Variants in GRXCR2 observed in about 807,000 individuals in gnomAD.
GRXCR2 encodes glutaredoxin and cysteine rich domain containing 2.
GRXCR2 carries 23 observed loss-of-function variants against 24.8 expected under a neutral mutation model. The observed-to-expected ratio is 0.93, with a 90% CI of 0.67 to 1.32. The LOEUF is 1.32. GRXCR2 is among the 40% of genes most tolerant of loss of function. The probability of loss-of-function intolerance (pLI) is 0.00; values close to 1 mark genes in which losing one functional copy is unlikely to be tolerated. For synonymous variants in GRXCR2, 130 were observed against 116.1 expected (o/e 1.12, Z -0.77); for missense variants, 315 against 303.4 (o/e 1.04, Z -0.28).
intron 2 of GRXCR2, among the ~76,000 whole-genome samples, chr5:145,890,820 G>A (rs903286383): frequency 8.0e-5 from 12 of 150,772 alleles, no homozygotes; most frequent in Non-Finnish European, 1.5e-4. Context: ...AAAAGTCACA[G>A]AAGGGCAAGT....
intron 2 of GRXCR2, among the ~76,000 whole-genome samples, chr5:145,878,608 G>C (rs1756654181): frequency 1.3e-5 from 2 of 152,114 alleles, no homozygotes; most frequent in African/African-American, 2.4e-5. Context: ...ATAGAACCAA[G>C]TTGGAAAACA....
At chr5:145,876,999 GT>G (rs149371290), upstream of GRXCR2, among the ~76,000 whole-genome samples, 18 of 149,934 alleles carry the variant, frequency 1.2e-4, no homozygotes, top group Non-Finnish European at 2.2e-4. Context: ...GATTTTGAGT[GT>G]TTTTTTTTCT....
At chr5:145,888,014 A>T (rs1167923718) in intron 2 of GRXCR2, among the ~76,000 whole-genome samples, 1 of 152,176 alleles carries the variant, frequency 6.6e-6, no homozygotes, top group Non-Finnish European at 1.5e-5. Flanking sequence ...GGTTTTTTAA[A>T]GTTATATTTG....
chr5:145,930,922 C>CAG (rs1757468804), intron 2 of GRXCR2, among the ~76,000 whole-genome samples: 1 of 152,210 alleles, frequency 6.6e-6, no homozygotes, highest in Non-Finnish European at 1.5e-5. Context: ...ATCCAAGGAA[C>CAG]AGAGGAAGAG....
At chr5:145,927,205 T>C (rs1319174022) in intron 2 of GRXCR2, among the ~76,000 whole-genome samples, 2 of 152,144 alleles carry the variant, frequency 1.3e-5, no homozygotes, top group East Asian at 1.9e-4. Flanking sequence ...CTTTTCCTAA[T>C]TGAATACCCT....
intron 2 of GRXCR2, among the ~76,000 whole-genome samples, chr5:145,901,001 G>A (rs758704043): frequency 1.3e-5 from 2 of 152,132 alleles, no homozygotes; most frequent in African/African-American, 4.8e-5. Flanking sequence ...CAATATGGAT[G>A]CAGCTGGTGG....
chr5:145,924,992 T>G (rs1024099116), intron 2 of GRXCR2, among the ~76,000 whole-genome samples: 4 of 152,148 alleles, frequency 2.6e-5, no homozygotes, highest in African/African-American at 7.2e-5. Context: ...TGCAACACAA[T>G]AGATAAGAGG....
chr5:145,924,984 C>A (rs958005563), intron 2 of GRXCR2, among the ~76,000 whole-genome samples: 1 of 152,144 alleles, frequency 6.6e-6, no homozygotes, highest in Admixed American at 6.6e-5. Flanking sequence ...GCTTTAGATG[C>A]AACACAATAG....
intron 2 of GRXCR2, among the ~76,000 whole-genome samples, chr5:145,918,218 GAACTTTAC>G (rs1561691130): frequency 6.6e-6 from 1 of 152,176 alleles, no homozygotes; most frequent in African/African-American, 2.4e-5. Flanking sequence ...TCCTTTAACA[GAACTTTAC>G]AACTTACAAA....
intron 2 of GRXCR2, among the ~76,000 whole-genome samples, chr5:145,914,384 T>C (rs1477196792): frequency 6.9e-6 from 1 of 145,450 alleles, no homozygotes. Flanking sequence ...TTAAAAAAAA[T>C]AACAAATCTG....
At chr5:145,928,517 T>G (rs1013817055) in intron 2 of GRXCR2, among the ~76,000 whole-genome samples, 1 of 152,050 alleles carries the variant, frequency 6.6e-6, no homozygotes, top group African/African-American at 2.4e-5. Context: ...TGTCCAAAAA[T>G]GATAGACTGG....
At chr5:145,887,639 C>T (rs1199196597) in intron 2 of GRXCR2, among the ~76,000 whole-genome samples, 2 of 152,172 alleles carry the variant, frequency 1.3e-5, no homozygotes, top group Admixed American at 1.3e-4. Context: ...GTGCCTAGAA[C>T]ATAGCTGTTT....
chr5:145,881,064 G>A (rs1230569751), intron 2 of GRXCR2, among the ~76,000 whole-genome samples: 5 of 152,156 alleles, frequency 3.3e-5, no homozygotes. Flanking sequence ...CAAACCCACA[G>A]CCAATATCAT....
upstream of GRXCR2, among the ~76,000 whole-genome samples, chr5:145,875,177 G>A (rs1756593622): frequency 6.6e-6 from 1 of 152,212 alleles, no homozygotes; most frequent in Non-Finnish European, 1.5e-5. Flanking sequence ...CTCAGTAATT[G>A]TTAAATGAAT....
At chr5:145,880,012 C>A (rs553303444) in intron 2 of GRXCR2, among the ~76,000 whole-genome samples, 69 of 152,296 alleles carry the variant, frequency 4.5e-4, no homozygotes, top group Middle Eastern at 6.8e-3. Flanking sequence ...AAAGACACAA[C>A]GTACCAGAAT....
At chr5:145,923,311 A>G (rs1757351686) in intron 2 of GRXCR2, among the ~76,000 whole-genome samples, 1 of 152,194 alleles carries the variant, frequency 6.6e-6, no homozygotes, top group Admixed American at 6.5e-5. Flanking sequence ...CCTTGCTAAG[A>G]GTATTTTAGG....
chr5:145,905,571 T>G (rs13169102), intron 2 of GRXCR2, among the ~76,000 whole-genome samples: 3,273 of 152,224 alleles, frequency 0.022, 44 homozygotes, highest in Middle Eastern at 0.048. Context: ...ATATATAACA[T>G]TAAACCAAGG....
At chr5:145,877,372 A>G (rs2149914062), upstream of GRXCR2, among the ~76,000 whole-genome samples, 1 of 149,208 alleles carries the variant, frequency 6.7e-6, no homozygotes, top group East Asian at 1.9e-4. Context: ...TTTTTTTCAG[A>G]CAGAGTCTCA....
intron 2 of GRXCR2, among the ~76,000 whole-genome samples, chr5:145,879,160 A>G (rs185159862): frequency 1.3e-5 from 2 of 152,354 alleles, no homozygotes; most frequent in East Asian, 3.9e-4. Context: ...GCCAGCTAAC[A>G]TCATAATGAC....
Sources: allele counts gnomAD v4.1 joint callset (sites outside exome capture counted in the v4.1 genomes callset), GRCh38; gene constraint gnomAD v4.1.1; transcripts MANE v1.5; gene names NCBI Gene and HGNC (gene_info 2026-07-23, HGNC 2026-07-21).